Variants in RASGRP1 observed in about 807,000 individuals in gnomAD.
The protein encoded by RASGRP1 is RAS guanyl-releasing protein 1.
A neutral mutation model predicts 95.1 loss-of-function variants in RASGRP1; 37 were observed. The observed-to-expected ratio is 0.39, with a 90% CI of 0.30 to 0.51. The LOEUF is 0.51. RASGRP1 is among the 20% of genes least tolerant of loss of function. The probability of loss-of-function intolerance (pLI) is 0.80; values close to 1 mark genes in which losing one functional copy is unlikely to be tolerated. For synonymous variants in RASGRP1, 325 were observed against 353.4 expected (o/e 0.92, Z 0.90); for missense variants, 711 against 965.4 (o/e 0.74, Z 3.49).
At position 38,512,643 on chromosome 15, in the gene RASGRP1, G is replaced by A. The variant is rs902077707; in HGVS notation, c.849+140C>T. The A allele has an allele frequency of 2.4e-4, 240 of 1,001,048 alleles. 1 individual carries two copies. Among genetic ancestry groups the A allele is most frequent in the Non-Finnish European group, 3.2e-4 (221 of 686,720 alleles). 62.0% of individuals were successfully genotyped at this position (1,001,048 alleles called of 1,614,324 possible). A position where few individuals can be genotyped will look rare whatever the true frequency, so the allele number is the denominator to read the frequency against. ...CAAGTCACCATATCTAGATCTGGTT[G>A]AAGGCACACAAACCTCTCCACCCCC... On this transcript the variant is annotated intron_variant, in intron 7 of 16. Transcript: ENST00000310803.
At chr15:38,525,026 G>A (rs1310103298) in intron 3 of RASGRP1, among the ~76,000 whole-genome samples, 1 of 150,756 alleles carries the variant, frequency 6.6e-6, no homozygotes, top group Non-Finnish European at 1.5e-5. Flanking sequence ...GGAGTGCAGT[G>A]GTGTGATCTC....
intron 2 of RASGRP1, among the ~76,000 whole-genome samples, chr15:38,547,157 T>G (rs1304710802): frequency 1.3e-5 from 2 of 152,204 alleles, no homozygotes; most frequent in African/African-American, 4.8e-5. Flanking sequence ...GCTTTGAAAC[T>G]GTTTATGTGG....
chr15:38,490,560 A>G lies in RASGRP1; in HGVS notation c.2388T>C (p.Cys796=), dbSNP rs774044114. ...HVLAQMEQGD[C]S Reference sequence around the variant, plus strand: ...GTGCTACTTAGTTTCTGGGCTAAGAACAGTCACCCTGCTCCATTTGAGCTA... The same window carrying G: ...GTGCTACTTAGTTTCTGGGCTAAGAGCAGTCACCCTGCTCCATTTGAGCTA... The change falls in exon 17 of 17, where the codon TGT becomes TGC. Residue 796 remains cysteine, a synonymous_variant. Coordinates refer to ENST00000310803, the MANE Select transcript of RASGRP1 (RefSeq NM_005739.4). 1 of 1,612,492 alleles carries G rather than the reference A, an allele frequency of 6.2e-7. No individual in the cohort carries two copies. The highest frequency in any genetic ancestry group is 8.5e-7 in the Non-Finnish European group (1 of 1,179,142).
At chr15:38,525,401 T>TA (rs1342227838) in intron 3 of RASGRP1, among the ~76,000 whole-genome samples, 1 of 152,188 alleles carries the variant, frequency 6.6e-6, no homozygotes, top group African/African-American at 2.4e-5. Flanking sequence ...CATGATGGTT[T>TA]AAAATTCTCT....
intron 11 of RASGRP1, among the ~76,000 whole-genome samples, chr15:38,502,651 G>A (rs1891082336): frequency 6.6e-6 from 1 of 152,162 alleles, no homozygotes; most frequent in South Asian, 2.1e-4. Context: ...TCATTAGCAC[G>A]TCAATTATAC....
At chr15:38,563,402 G>A (rs143870891) in intron 1 of RASGRP1, among the ~76,000 whole-genome samples, 1 of 152,250 alleles carries the variant, frequency 6.6e-6, no homozygotes, top group Non-Finnish European at 1.5e-5. Context: ...AGCCCCATAG[G>A]TTTGCTGAAG....
At chr15:38,533,687 A>G (rs1892531857) in intron 2 of RASGRP1, among the ~76,000 whole-genome samples, 1 of 152,192 alleles carries the variant, frequency 6.6e-6, no homozygotes, top group South Asian at 2.1e-4. Context: ...CCAGCCCCTC[A>G]AGACTCAGGG....
chr15:38,533,160 A>C (rs1892513859), intron 2 of RASGRP1, among the ~76,000 whole-genome samples: 1 of 152,232 alleles, frequency 6.6e-6, no homozygotes, highest in South Asian at 2.1e-4. Context: ...CATATGAAGG[A>C]TAGGCAAGCT....
rs759706926 is a variant in RASGRP1, at chr15:38,512,873, G to T, written c.759C>A (p.Gly253=). Residue 253 remains glycine, a synonymous_variant, in exon 7 of 17, where the codon GGC becomes GGA. Transcript: ENST00000310803. ...TMERSIALCN[G]ISQWVQLMVL... ...CCATCAGTTGTACCCACTGGGAGATGCCGTTGCACAGAGCAATAGATCGCT... is the reference window on the plus strand; with the variant it reads ...CCATCAGTTGTACCCACTGGGAGATTCCGTTGCACAGAGCAATAGATCGCT... 1 of 1,613,310 alleles carries T rather than the reference G, an allele frequency of 6.2e-7. No homozygotes were observed. Among genetic ancestry groups the T allele is most frequent in the Non-Finnish European group, 8.5e-7 (1 of 1,179,652 alleles).
At chr15:38,529,451 T>G (rs1892356046) in intron 2 of RASGRP1, among the ~76,000 whole-genome samples, 2 of 152,244 alleles carry the variant, frequency 1.3e-5, no homozygotes, top group African/African-American at 4.8e-5. Context: ...TTTTCTTCAA[T>G]GTAGTCTTTC....
intron 16 of RASGRP1, among the ~76,000 whole-genome samples, chr15:38,492,501 A>G (rs1408828021): frequency 6.6e-6 from 1 of 152,108 alleles, no homozygotes; most frequent in Non-Finnish European, 1.5e-5. Context: ...TACTAGCTGG[A>G]TATTGGTTTT....
At chr15:38,524,886 T>C (rs1053573702) in intron 3 of RASGRP1, among the ~76,000 whole-genome samples, 1 of 150,698 alleles carries the variant, frequency 6.6e-6, no homozygotes, top group African/African-American at 2.4e-5. Flanking sequence ...CGAGGGACCA[T>C]GGGAAAGGGA....
intron 8 of RASGRP1, 35 bp downstream of exon 8, chr15:38,511,566 ATGC>A: frequency 6.7e-7 from 1 of 1,493,586 alleles, no homozygotes; most frequent in Non-Finnish European, 9.3e-7. Context: ...CATCTTGAGA[ATGC>A]TGCTAAGGGC....
At chr15:38,537,757 T>C (rs887746608) in intron 2 of RASGRP1, among the ~76,000 whole-genome samples, 2 of 152,152 alleles carry the variant, frequency 1.3e-5, no homozygotes, top group African/African-American at 4.8e-5. Context: ...CCAACTATAT[T>C]AGTAGCCTTC....
In RASGRP1 at chr15:38,488,781, T is replaced by A. The variant is rs983929071; in HGVS notation, c.*1773A>T. 2.0e-5 allele frequency: 3 copies of A among 152,028 alleles called. No individual in the cohort carries two copies. The highest frequency in any genetic ancestry group is 7.2e-5 in the African/African-American group (3 of 41,448). The allele number at this position is 152,028 out of a possible 1,614,324, so 9.4% of individuals were successfully genotyped here. ...CAAGAATAGTGAAGAATATGAATTT[T>A]TAGAGTTTGTCCTAACTCATGCTTG... is the stretch of plus-strand genomic sequence containing the variant. On this transcript the variant is annotated 3_prime_UTR_variant, in exon 17 of 17. Transcript: ENST00000310803.
Position 38,510,309 on chromosome 15 carries a change from CTT to C in RASGRP1, c.966+1293_966+1294del, listed in dbSNP as rs202120047. On this transcript the variant is annotated intron_variant, in intron 8 of 16. Transcript: ENST00000310803. ...CTGTCACCTCTGAGATGTGGGCAAT[CTT>C]TTCAACTGTTCCACCTGGTTTCAGC... 4.0e-3 allele frequency among the ~76,000 whole-genome samples: 610 copies of C among 152,336 alleles called. 4 individuals carry two copies. Among genetic ancestry groups the C allele is most frequent in the African/African-American group, 0.012 (519 of 41,580 alleles).
intron 2 of RASGRP1, among the ~76,000 whole-genome samples, chr15:38,533,102 A>C (rs1892511425): frequency 6.6e-6 from 1 of 152,166 alleles, no homozygotes; most frequent in South Asian, 2.1e-4. Flanking sequence ...TTTCCAAGGA[A>C]ATCTCTTGAT....
intron 16 of RASGRP1, among the ~76,000 whole-genome samples, chr15:38,492,149 T>C (rs1306399604): frequency 3.3e-5 from 5 of 152,334 alleles, no homozygotes; most frequent in African/African-American, 1.2e-4. Flanking sequence ...GCAGTTTCTA[T>C]CCCTAAAGAG....
rs1890453714 is a variant in RASGRP1 at position 38,488,742 on chromosome 15, C to A, written c.*1812G>T. 1 of 151,898 alleles carries A rather than the reference C, an allele frequency of 6.6e-6. No individual in the cohort carries two copies. Among genetic ancestry groups the A allele is most frequent in the Non-Finnish European group, 1.5e-5 (1 of 67,848 alleles). The allele number at this position is 151,898 out of a possible 1,614,324, so 9.4% of individuals were successfully genotyped here. A position where few individuals can be genotyped will look rare whatever the true frequency, so the allele number is the denominator to read the frequency against. ...AGAGTACACCATCTTTGGTCTATATCAATCAAAGGAAAACAAGAATAGTGA... is the reference window on the plus strand; with the variant it reads ...AGAGTACACCATCTTTGGTCTATATAAATCAAAGGAAAACAAGAATAGTGA... On this transcript the variant is annotated 3_prime_UTR_variant, in exon 17 of 17. Transcript: ENST00000310803.
Sources: gnomAD v4.1 joint callset for allele counts (sites outside exome capture counted in the v4.1 genomes callset) on GRCh38, gnomAD v4.1.1 for gene constraint, MANE v1.5 for transcripts, NCBI Gene and HGNC (gene_info 2026-07-23, HGNC 2026-07-21) for gene names.